MARK2: variants seen among roughly 807,000 people sequenced by gnomAD.
MARK2 encodes the protein microtubule affinity regulating kinase 2, also known as serine/threonine-protein kinase MARK2.
A neutral mutation model predicts 89.8 loss-of-function variants in MARK2; 16 were observed. The ratio of observed to expected loss-of-function variants is 0.18; its 90% confidence interval spans 0.12 to 0.27. MARK2 has a LOEUF of 0.27. MARK2 is among the 10% of genes least tolerant of loss of function. MARK2 has a pLI of 1.00. For missense variants in MARK2, 621 were observed against 1,049.9 expected, an observed-to-expected ratio of 0.59 and a Z score of 5.65; for synonymous variants, 382 against 399.5, an observed-to-expected ratio of 0.96 and a Z score of 0.52.
intron 1 of MARK2, among the ~76,000 whole-genome samples, chr11:63,852,188 T>C (rs1014439283): frequency 1.3e-5 from 2 of 152,252 alleles, no homozygotes; most frequent in African/African-American, 4.8e-5. Context: ...TCTTGTGTTT[T>C]CTATAATTTT....
At chr11:63,875,142 G>T (rs1187465329) in intron 1 of MARK2, among the ~76,000 whole-genome samples, 1 of 142,338 alleles carries the variant, frequency 7.0e-6, no homozygotes, top group Non-Finnish European at 1.5e-5. Flanking sequence ...TTTTTTTGAG[G>T]TAGAGTCTCA....
intron 1 of MARK2, among the ~76,000 whole-genome samples, chr11:63,845,251 A>G (rs2016221194): frequency 6.6e-6 from 1 of 152,136 alleles, no homozygotes; most frequent in African/African-American, 2.4e-5. Flanking sequence ...GAGAGGAAGT[A>G]TAGAAAGGAT....
At chr11:63,887,479 C>G (rs1939472135) in intron 1 of MARK2, among the ~76,000 whole-genome samples, 1 of 152,230 alleles carries the variant, frequency 6.6e-6, no homozygotes, top group African/African-American at 2.4e-5. Context: ...GGCCAGGGCT[C>G]ATGTGTAAGG....
chr11:63,842,695 A>AT (rs1243743710), intron 1 of MARK2, among the ~76,000 whole-genome samples: 4 of 151,854 alleles, frequency 2.6e-5, no homozygotes, highest in Non-Finnish European at 5.9e-5. Context: ...TCTTAATGTT[A>AT]TTTTTTTTAA....
At chr11:63,869,578 A>G (rs903248828) in intron 1 of MARK2, among the ~76,000 whole-genome samples, 1 of 152,106 alleles carries the variant, frequency 6.6e-6, no homozygotes, top group African/African-American at 2.4e-5. Flanking sequence ...AATGAAGTCT[A>G]GGGAGGGAGA....
Position 63,903,372 on chromosome 11 carries a change from G to T in MARK2, c.1514+214G>T. 1.8e-6 allele frequency: 1 copy of T among 566,952 alleles called. No individual in the cohort carries two copies. The highest frequency in any genetic ancestry group is 2.0e-5 in the South Asian group (1 of 50,574). The allele number at this position is 566,952 out of a possible 1,614,324, so 35.1% of individuals were successfully genotyped here. ...CTGACTGCTACTTGCAGTTTGCCAAGTGTGGGGCTGACCGTGGCCATCTCA... is the reference window on the plus strand; with the variant it reads ...CTGACTGCTACTTGCAGTTTGCCAATTGTGGGGCTGACCGTGGCCATCTCA... On this transcript the variant is annotated intron_variant, in intron 14 of 18. Coordinates refer to ENST00000402010, the MANE Select transcript of MARK2 (RefSeq NM_001039469.3). The surrounding 1 kb of genome is among the most constrained non-coding windows in gnomAD (Gnocchi z 5.1).
intron 1 of MARK2, among the ~76,000 whole-genome samples, chr11:63,883,681 C>T (rs1231983105): frequency 6.6e-6 from 1 of 152,060 alleles, no homozygotes; most frequent in Non-Finnish European, 1.5e-5. Flanking sequence ...CCTCCCTGGG[C>T]TCAGGTGATC....
At chr11:63,862,116 G>T (rs919654950) in intron 1 of MARK2, among the ~76,000 whole-genome samples, 1 of 151,492 alleles carries the variant, frequency 6.6e-6, no homozygotes, top group Admixed American at 6.6e-5. Flanking sequence ...GTAGAGATGC[G>T]GTTTTACCGT....
At chr11:63,869,133 A>G (rs988180410) in intron 1 of MARK2, 4 of 323,494 alleles carry the variant, frequency 1.2e-5, no homozygotes, top group African/African-American at 8.6e-5. Flanking sequence ...CTGGTGAAGA[A>G]GGCACCAGCT....
At chr11:63,890,229 C>A in intron 1 of MARK2, 1 of 1,298,356 alleles carries the variant, frequency 7.7e-7, no homozygotes, top group Non-Finnish European at 1.0e-6. Context: ...CAGTGGCTTG[C>A]CTCCTTACCC....
At chr11:63,867,847 C>G (rs1044434866) in intron 1 of MARK2, among the ~76,000 whole-genome samples, 1 of 151,886 alleles carries the variant, frequency 6.6e-6, no homozygotes, top group South Asian at 2.1e-4. Flanking sequence ...GCCCACTGTT[C>G]CTCTGAAAAA....
At chr11:63,859,300 CT>C (rs1303966995) in intron 1 of MARK2, among the ~76,000 whole-genome samples, 1 of 150,452 alleles carries the variant, frequency 6.6e-6, no homozygotes, top group African/African-American at 2.4e-5. Context: ...GTACTTGACT[CT>C]TTTTAACCTG....
At chr11:63,885,397 G>T (rs1939332234) in intron 1 of MARK2, among the ~76,000 whole-genome samples, 1 of 151,534 alleles carries the variant, frequency 6.6e-6, no homozygotes, top group Non-Finnish European at 1.5e-5. Flanking sequence ...AAATTAGCCG[G>T]GCGTATTGCT....
chr11:63,899,818 C>T (rs2135338425), intron 7 of MARK2, 56 bp from the exon 8 acceptor site: 2 of 1,171,076 alleles, frequency 1.7e-6, no homozygotes, highest in Non-Finnish European at 2.6e-6. Flanking sequence ...TCCTTCCTGC[C>T]CAGGGCCTTA....
At position 63,892,316 on chromosome 11, in the gene MARK2, C is replaced by T. The variant is rs139957602; in HGVS notation, c.55-2843C>T. Among the ~76,000 whole-genome samples, 187 of 152,292 alleles carry T rather than the reference C, an allele frequency of 1.2e-3. 2 individuals are homozygous for T. Among genetic ancestry groups the T allele is most frequent in the African/African-American group, 4.3e-3 (177 of 41,560 alleles). On this transcript the variant is annotated intron_variant, in intron 1 of 18. Transcript: ENST00000402010. ...ACAGCCTGCAGCTACCATGCAAAGG[C>T]CCTACGTGGGCACAGTGAAGAAGGG...
intron 1 of MARK2, among the ~76,000 whole-genome samples, chr11:63,846,897 C>T (rs2016311832): frequency 6.6e-6 from 1 of 151,976 alleles, no homozygotes; most frequent in Non-Finnish European, 1.5e-5. Context: ...ACCTCGTGAT[C>T]CACCCACCTC....
intron 1 of MARK2, among the ~76,000 whole-genome samples, chr11:63,881,247 G>C (rs538448425): frequency 1.3e-4 from 20 of 152,220 alleles, no homozygotes; most frequent in African/African-American, 4.6e-4. Context: ...AGAGGTTGCA[G>C]TCAGCCGAGA....
chr11:63,860,872 A>C (rs1042489335), intron 1 of MARK2, among the ~76,000 whole-genome samples: 2 of 151,990 alleles, frequency 1.3e-5, no homozygotes, highest in South Asian at 2.1e-4. Context: ...AAAAAAAAAA[A>C]CAAAAACAAA....
Position 63,902,498 on chromosome 11 carries a change from G to A in MARK2, c.1235-103G>A. ...CTTCCCTCGCCTCTGTGGAATGGGGGCTTGCTGGGTTGTTGGCCAGCCCTG... is the reference window on the plus strand; with the variant it reads ...CTTCCCTCGCCTCTGTGGAATGGGGACTTGCTGGGTTGTTGGCCAGCCCTG... On this transcript the variant is annotated intron_variant, in intron 12 of 18. Coordinates refer to ENST00000402010, the MANE Select transcript of MARK2 (RefSeq NM_001039469.3). This position sits in a 1 kb window ranked among gnomAD's most constrained non-coding sequence, Gnocchi z 4.2. 3.6e-6 allele frequency: 5 copies of A among 1,388,388 alleles called. No individual in the cohort carries two copies. The highest frequency in any genetic ancestry group is 5.0e-6 in the Non-Finnish European group (5 of 1,001,058). 86.0% of individuals were successfully genotyped at this position (1,388,388 alleles called of 1,614,324 possible).
Sources: gnomAD v4.1 joint callset for allele counts (sites outside exome capture counted in the v4.1 genomes callset) on GRCh38, gnomAD v4.1.1 for gene constraint, Gnocchi (gnomAD v3.1) non-coding constraint, MANE v1.5 for transcripts, NCBI Gene and HGNC (gene_info 2026-07-23, HGNC 2026-07-21) for gene names.